The following SPOCK3 variants were observed in gnomAD, a reference collection of about 807,000 sequenced individuals.
SPOCK3 encodes testican-3.
SPOCK3 carries 30 observed loss-of-function variants against 56.6 expected under a neutral mutation model. That is an observed-to-expected ratio of 0.53 (90% CI 0.40 to 0.72). The LOEUF is 0.72. Ranked by LOEUF, SPOCK3 falls within the 30% of genes least tolerant of loss-of-function variation. The pLI, the probability that SPOCK3 is intolerant of heterozygous loss-of-function variation, is 0.00. For missense variants in SPOCK3, 527 were observed against 530.0 expected (o/e 0.99, Z 0.06); for synonymous variants, 196 against 183.3 (o/e 1.07, Z -0.56).
chr4:166,886,732 C>T (rs1310777054), intron 6 of SPOCK3, among the ~76,000 whole-genome samples: 3 of 152,168 alleles, frequency 2.0e-5, no homozygotes, highest in East Asian at 3.9e-4. Flanking sequence ...GTAGTTTATT[C>T]CTCACTTTTT....
intron 2 of SPOCK3, among the ~76,000 whole-genome samples, chr4:167,199,225 TTGTGTGTGTG>T (rs58765976): frequency 1.8e-4 from 26 of 142,062 alleles, no homozygotes; most frequent in African/African-American, 5.1e-4. Flanking sequence ...AAATATTTGT[TTGTGTGTGTG>T]TGTGTGTGTG....
At chr4:167,065,320 T>C (rs765414023) in intron 2 of SPOCK3, among the ~76,000 whole-genome samples, 1 of 151,786 alleles carries the variant, frequency 6.6e-6, no homozygotes, top group Non-Finnish European at 1.5e-5. Flanking sequence ...ATGTTTCACA[T>C]AGCACATAGT....
intron 2 of SPOCK3, among the ~76,000 whole-genome samples, chr4:167,089,380 T>A (rs1035108501): frequency 6.6e-6 from 1 of 152,132 alleles, no homozygotes; most frequent in Non-Finnish European, 1.5e-5. Flanking sequence ...AATTTTCTAA[T>A]TTTTTCCCTG....
intron 2 of SPOCK3, among the ~76,000 whole-genome samples, chr4:167,077,343 TTC>T (rs1757290260): frequency 6.6e-6 from 1 of 151,722 alleles, no homozygotes; most frequent in South Asian, 2.1e-4. Flanking sequence ...TGCACTAATG[TTC>T]TCTCACCCAT....
At chr4:166,991,208 C>T (rs1747744555) in intron 4 of SPOCK3, among the ~76,000 whole-genome samples, 1 of 151,916 alleles carries the variant, frequency 6.6e-6, no homozygotes, top group African/African-American at 2.4e-5. Flanking sequence ...TACCATGATT[C>T]ACCATGTTAC....
At chr4:167,223,782 C>T (rs1051470336) in intron 2 of SPOCK3, among the ~76,000 whole-genome samples, 1 of 151,970 alleles carries the variant, frequency 6.6e-6, no homozygotes, top group African/African-American at 2.4e-5. Context: ...AGTCCTTATT[C>T]CTAAAAAATT....
chr4:166,849,296 A>G (rs1168506926), intron 6 of SPOCK3, among the ~76,000 whole-genome samples: 1 of 152,210 alleles, frequency 6.6e-6, no homozygotes, highest in Non-Finnish European at 1.5e-5. Flanking sequence ...TATATTACAT[A>G]TAAAGGAGAT....
At chr4:166,738,050 C>A (rs1734397304) in intron 9 of SPOCK3, among the ~76,000 whole-genome samples, 1 of 152,178 alleles carries the variant, frequency 6.6e-6, no homozygotes, top group Non-Finnish European at 1.5e-5. Flanking sequence ...ATTCCAAGTT[C>A]TTTCCAAATC....
intron 2 of SPOCK3, among the ~76,000 whole-genome samples, chr4:167,107,898 G>C (rs942637330): frequency 6.6e-6 from 1 of 151,676 alleles, no homozygotes; most frequent in African/African-American, 2.4e-5. Context: ...AGAAGTGAAA[G>C]ATTCCTTCTC....
intron 2 of SPOCK3, among the ~76,000 whole-genome samples, chr4:167,114,502 G>A (rs1195523524): frequency 6.6e-6 from 1 of 152,030 alleles, no homozygotes; most frequent in African/African-American, 2.4e-5. Context: ...GCTTGCACGT[G>A]TCTCCTCTAA....
intron 2 of SPOCK3, among the ~76,000 whole-genome samples, chr4:167,126,141 C>T (rs1561244271): frequency 1.3e-5 from 2 of 152,200 alleles, no homozygotes; most frequent in East Asian, 1.9e-4. Flanking sequence ...AAAGAGGCAA[C>T]AGTCTGCCCA....
intron 2 of SPOCK3, among the ~76,000 whole-genome samples, chr4:167,074,813 T>C (rs536347690): frequency 2.6e-5 from 4 of 151,882 alleles, no homozygotes; most frequent in East Asian, 2.0e-4. Context: ...AGTTTTTCTA[T>C]TGTCAGGATT....
At chr4:166,878,039 G>T in intron 6 of SPOCK3, among the ~76,000 whole-genome samples, 1 of 152,134 alleles carries the variant, frequency 6.6e-6, no homozygotes, top group East Asian at 1.9e-4. Context: ...CACTTTGGGA[G>T]GCCGAGGCAG....
intron 4 of SPOCK3, among the ~76,000 whole-genome samples, chr4:166,913,952 T>C (rs544077011): frequency 1.4e-4 from 22 of 152,096 alleles, no homozygotes; most frequent in Non-Finnish European, 3.1e-4. Context: ...CAATTTTTCC[T>C]GAAAAACAGT....
At chr4:166,744,525 G>A (rs1449769000) in intron 8 of SPOCK3, among the ~76,000 whole-genome samples, 2 of 151,408 alleles carry the variant, frequency 1.3e-5, no homozygotes, top group Non-Finnish European at 2.9e-5. Flanking sequence ...AGAAAGATGG[G>A]AAGAAACCAG....
chr4:167,008,932 C>A (rs1055719755), intron 3 of SPOCK3, among the ~76,000 whole-genome samples: 1 of 152,020 alleles, frequency 6.6e-6, no homozygotes, highest in African/African-American at 2.4e-5. Context: ...AGATGCTAAA[C>A]CCCAGCATTA....
chr4:166,745,819 A>C (rs1021741314), intron 8 of SPOCK3, among the ~76,000 whole-genome samples: 8 of 152,322 alleles, frequency 5.3e-5, no homozygotes, highest in Middle Eastern at 3.4e-3. Context: ...GTAAAACAAA[A>C]AAAGCAGGGT....
intron 2 of SPOCK3, among the ~76,000 whole-genome samples, chr4:167,070,347 C>T (rs13118139): frequency 0.026 from 3,918 of 151,982 alleles, 81 homozygotes; most frequent in Middle Eastern, 0.061. Flanking sequence ...TCATTCAAAT[C>T]TCCATAATCA....
intron 2 of SPOCK3, among the ~76,000 whole-genome samples, chr4:167,063,032 T>C (rs139604109): frequency 1.3e-5 from 2 of 151,854 alleles, no homozygotes; most frequent in Non-Finnish European, 2.9e-5. Context: ...CAGTGGCCCA[T>C]GGAGTGTAAA....
Sources: allele counts gnomAD v4.1 joint callset (sites outside exome capture counted in the v4.1 genomes callset), GRCh38; gene constraint gnomAD v4.1.1; transcripts MANE v1.5; gene names NCBI Gene and HGNC (gene_info 2026-07-23, HGNC 2026-07-21).